Variants in CABIN1 observed in about 807,000 individuals in gnomAD.
The protein encoded by CABIN1 is calcineurin binding protein 1.
Under a neutral mutation model 227.7 loss-of-function variants are expected in CABIN1, and 133 were observed. The ratio of observed to expected loss-of-function variants is 0.58; its 90% CI spans 0.51 to 0.67. CABIN1 has a LOEUF of 0.67. Ranked by LOEUF, CABIN1 falls within the 30% of genes least tolerant of loss-of-function variation. The probability of loss-of-function intolerance (pLI) is 0.00; values close to 1 mark genes in which losing one functional copy is unlikely to be tolerated. For missense variants in CABIN1, 2,408 were observed against 2,852.5 expected (o/e 0.84, Z 3.55); for synonymous variants, 1,086 against 1,155.1 (o/e 0.94, Z 1.21).
At chr22:24,169,733 G>T (rs1293796128) in intron 33 of CABIN1, among the ~76,000 whole-genome samples, 5 of 152,230 alleles carry the variant, frequency 3.3e-5, no homozygotes, top group Non-Finnish European at 1.5e-5. Context: ...CATGGGAGTG[G>T]TGATCACTCA....
At chr22:24,026,941 G>C (rs902875307) in intron 1 of CABIN1, among the ~76,000 whole-genome samples, 1 of 152,108 alleles carries the variant, frequency 6.6e-6, no homozygotes, top group Non-Finnish European at 1.5e-5. Context: ...ATGTTTATTG[G>C]GATTGCACTA....
intron 1 of CABIN1, among the ~76,000 whole-genome samples, chr22:24,014,347 T>A (rs187208238): frequency 6.6e-6 from 1 of 152,352 alleles, no homozygotes; most frequent in East Asian, 1.9e-4. Context: ...ATTTTGTTGC[T>A]TACTGTTCCA....
chr22:24,089,095 C>T (rs552836665), intron 23 of CABIN1, among the ~76,000 whole-genome samples: 7 of 152,290 alleles, frequency 4.6e-5, no homozygotes, highest in East Asian at 1.9e-4. Flanking sequence ...TGCTGGGGCT[C>T]AGTGGGCTGA....
In CABIN1 at chr22:24,091,823, C is replaced by T; in HGVS notation, c.3766C>T (p.Leu1256=). 6.2e-7 allele frequency: 1 copy of T among 1,613,708 alleles called. No individual in the cohort carries two copies. Among genetic ancestry groups the T allele is most frequent in the Non-Finnish European group, 8.5e-7 (1 of 1,179,880 alleles). Residue 1256 remains leucine (L), a synonymous_variant, in exon 24 of 37, where the codon CTG becomes TTG. Coordinates refer to ENST00000263119, the MANE Select transcript of CABIN1 (RefSeq NM_012295.4). ...KKIHYHNPPE[L]AMEALEVYFR... is the part of the protein sequence containing the mutation. Reference sequence around the variant, plus strand: ...GATCCACTACCACAACCCACCTGAGCTGGCCATGGAGGCCCTGGAGGTGAC... The same window carrying T: ...GATCCACTACCACAACCCACCTGAGTTGGCCATGGAGGCCCTGGAGGTGAC...
intron 19 of CABIN1, among the ~76,000 whole-genome samples, chr22:24,076,647 G>A (rs79436802): frequency 0.023 from 3,455 of 152,164 alleles, 48 homozygotes; most frequent in African/African-American, 0.033. Flanking sequence ...CACCACCACC[G>A]CCTTCTATTG....
At chr22:24,043,130 G>C in intron 6 of CABIN1, 46 bp downstream of exon 6, 1 of 1,585,720 alleles carries the variant, frequency 6.3e-7, no homozygotes. Context: ...GTGGTTTTTG[G>C]AACAGCAGAG....
chr22:24,075,735 C>T (rs916930744), intron 18 of CABIN1, among the ~76,000 whole-genome samples: 1 of 151,842 alleles, frequency 6.6e-6, no homozygotes, highest in Non-Finnish European at 1.5e-5. Context: ...AACAGTTAGA[C>T]CCTATCTCTT....
intron 3 of CABIN1, among the ~76,000 whole-genome samples, chr22:24,037,509 G>T (rs2037011439): frequency 6.6e-6 from 1 of 151,948 alleles, no homozygotes; most frequent in South Asian, 2.1e-4. Context: ...GTCTCTCTAT[G>T]TGGCCCAGGT....
chr22:24,137,700 A>G (rs1351779895), intron 29 of CABIN1, among the ~76,000 whole-genome samples: 3 of 152,234 alleles, frequency 2.0e-5, no homozygotes, highest in Non-Finnish European at 4.4e-5. Flanking sequence ...TCCTTGAGCT[A>G]TGCCTAGTGT....
At chr22:24,162,649 T>C (rs927613286) in intron 29 of CABIN1, among the ~76,000 whole-genome samples, 4 of 152,236 alleles carry the variant, frequency 2.6e-5, no homozygotes, top group African/African-American at 9.6e-5. Flanking sequence ...CTCTCAGGGC[T>C]GGCTGGGGAA....
chr22:24,161,019 G>T (rs1212736818), intron 29 of CABIN1, among the ~76,000 whole-genome samples: 2 of 152,242 alleles, frequency 1.3e-5, no homozygotes, highest in African/African-American at 4.8e-5. Context: ...TTGAGGCTCT[G>T]TTTCCTCAAG....
intron 27 of CABIN1, among the ~76,000 whole-genome samples, chr22:24,116,024 A>C (rs1302997821): frequency 6.6e-6 from 1 of 152,196 alleles, no homozygotes; most frequent in Admixed American, 6.5e-5. Context: ...CGTGTCTAGC[A>C]GGCACAAGCT....
intron 24 of CABIN1, among the ~76,000 whole-genome samples, chr22:24,094,556 G>A (rs1046202867): frequency 2.0e-5 from 3 of 152,050 alleles, no homozygotes; most frequent in Non-Finnish European, 2.9e-5. Context: ...GGTGGCTCAC[G>A]CCTGTAATTC....
intron 1 of CABIN1, among the ~76,000 whole-genome samples, chr22:24,014,894 A>G (rs1038068385): frequency 1.3e-5 from 2 of 151,914 alleles, no homozygotes; most frequent in Non-Finnish European, 2.9e-5. Flanking sequence ...TTAGTTGTGT[A>G]TTTTTTCACA....
chr22:24,096,485 A>T (rs2041902867), intron 25 of CABIN1, among the ~76,000 whole-genome samples: 1 of 152,070 alleles, frequency 6.6e-6, no homozygotes, highest in South Asian at 2.1e-4. Flanking sequence ...TTCTCCTGAG[A>T]AGCAGTGGGA....
chr22:24,084,532 A>T (rs2041021177), intron 20 of CABIN1, 47 bp from the exon 21 acceptor site: 1 of 1,486,100 alleles, frequency 6.7e-7, no homozygotes, highest in East Asian at 2.3e-5. Context: ...TTCCTTCTTC[A>T]TTTACCCTGA....
Position 24,060,060 on chromosome 22 carries a change from C to T in CABIN1, c.1536C>T (p.Leu512=). The T allele has an allele frequency of 6.2e-7, 1 of 1,614,148 alleles. No homozygotes were observed. The highest frequency in any genetic ancestry group is 8.5e-7 in the Non-Finnish European group (1 of 1,180,030). ...RWPPGLAEVV[L]SVYHSWRRHS... is the part of the protein sequence containing the mutation. ...CTCCAGGCTTGGCGGAGGTCGTGCTCAGCGTCTACCACAGCTGGAGGAGGC... is the reference window on the plus strand; with the variant it reads ...CTCCAGGCTTGGCGGAGGTCGTGCTTAGCGTCTACCACAGCTGGAGGAGGC... Residue 512 remains leucine, a synonymous_variant, in exon 12 of 37, where the codon CTC becomes CTT. Coordinates refer to ENST00000263119, the MANE Select transcript of CABIN1 (RefSeq NM_012295.4).
At chr22:24,125,948 C>T (rs1426130001) in intron 28 of CABIN1, among the ~76,000 whole-genome samples, 1 of 152,202 alleles carries the variant, frequency 6.6e-6, no homozygotes, top group East Asian at 1.9e-4. Flanking sequence ...CTGCTGCTTT[C>T]CTGGTCCTCT....
chr22:24,138,935 T>C (rs1872722508), intron 29 of CABIN1, among the ~76,000 whole-genome samples: 1 of 152,184 alleles, frequency 6.6e-6, no homozygotes, highest in Non-Finnish European at 1.5e-5. Flanking sequence ...GAAGGTCTTA[T>C]GGCCCACAAT....
Sources: allele counts gnomAD v4.1 joint callset (sites outside exome capture counted in the v4.1 genomes callset), GRCh38; gene constraint gnomAD v4.1.1; transcripts MANE v1.5; gene names NCBI Gene and HGNC (gene_info 2026-07-23, HGNC 2026-07-21).